The following ECPAS variants were observed in gnomAD, a reference collection of about 807,000 sequenced individuals.
The protein encoded by ECPAS is Ecm29 proteasome adaptor and scaffold, also known as proteasome adapter and scaffold protein ECM29.
Under a neutral mutation model 255.1 loss-of-function variants are expected in ECPAS, and 70 were observed. The ratio of observed to expected loss-of-function variants is 0.27; its 90% CI spans 0.23 to 0.33. The LOEUF (loss-of-function observed/expected upper bound fraction) is 0.33. Ranked by LOEUF, ECPAS falls within the 10% of genes least tolerant of loss-of-function variation. The pLI is 1.00. For synonymous variants in ECPAS, 784 were observed against 775.0 expected (o/e 1.01, Z -0.19); for missense variants, 1,817 against 2,206.4 (o/e 0.82, Z 3.54).
chr9:111,370,721 C>A lies in ECPAS; in HGVS notation c.4781+1G>T. On this transcript the variant is annotated splice_donor_variant, in intron 44 of 49. Transcript: ENST00000684092. LOFTEE classifies it high-confidence loss of function. Reference sequence around the variant, plus strand: ...GGCATCTTCATTGAAAGAACATTTACCTGCAAGCTGTCACCACACAGGCAA... The same window carrying A: ...GGCATCTTCATTGAAAGAACATTTAACTGCAAGCTGTCACCACACAGGCAA... 6.2e-7 allele frequency: 1 copy of A among 1,607,700 alleles called. No individual in the cohort carries two copies.
intron 37 of ECPAS, among the ~76,000 whole-genome samples, chr9:111,375,788 C>T (rs966938249): frequency 6.6e-6 from 1 of 152,164 alleles, no homozygotes. Context: ...CCAGCAGGCA[C>T]TAAAAAATAG....
In ECPAS at chr9:111,410,178, T is replaced by A. The variant is rs200669681; in HGVS notation, c.2413A>T (p.Ile805Phe). 3.7e-6 allele frequency: 6 copies of A among 1,613,230 alleles called. No homozygotes were observed. The Admixed American group carries it at 1.0e-4, about 27-fold the overall frequency. The change falls in exon 23 of 50, where the codon ATT becomes TTT. Residue 805 changes from isoleucine to phenylalanine, a missense_variant. By Grantham distance (21) the Ile-to-Phe change is conservative. Transcript: ENST00000684092. ...FLDSTSPLLA[I>F]AACTALGEIG... ...TCACCCAGGGCTGTGCAGGCAGCAA[T>A]TGCCAGGAGGGGTGATGTACTGTCC...
Position 111,360,804 on chromosome 9 carries a change from A to T in ECPAS, c.*1226T>A, listed in dbSNP as rs1400095857. On this transcript the variant is annotated 3_prime_UTR_variant, in exon 50 of 50. Coordinates refer to ENST00000684092, the MANE Select transcript of ECPAS (RefSeq NM_001364929.1). ...ACATGGAGTTTCCACGAAAAATAAT[A>T]AACATGGAGATTCCTGGTGTTAACG... The T allele has an allele frequency of 6.6e-6, 1 of 152,242 alleles. No individual in the cohort carries two copies. The highest frequency in any genetic ancestry group is 1.5e-5 in the Non-Finnish European group (1 of 68,040). The allele number at this position is 152,242 out of a possible 1,614,324, so 9.4% of individuals were successfully genotyped here. A position where few individuals can be genotyped will look rare whatever the true frequency, so the allele number is the denominator to read the frequency against.
At chr9:111,449,387 G>C (rs1402089936) in intron 3 of ECPAS, among the ~76,000 whole-genome samples, 5 of 152,012 alleles carry the variant, frequency 3.3e-5, no homozygotes, top group Non-Finnish European at 5.9e-5. Flanking sequence ...AGAATATTAA[G>C]AATAGCATAA....
rs916882860 is a variant in ECPAS, at chr9:111,425,564, T to A, written c.1137-68A>T. Reference sequence around the variant, plus strand: ...ATGACTACATATCTTTACGGATGATTACATAAAATAATGAGAGACATAACC... The same window carrying A: ...ATGACTACATATCTTTACGGATGATAACATAAAATAATGAGAGACATAACC... On this transcript the variant is annotated intron_variant, in intron 11 of 49. Transcript: ENST00000684092. The A allele has an allele frequency of 3.4e-6, 4 of 1,187,782 alleles. No individual in the cohort carries two copies. The Admixed American group carries it at 8.4e-5, about 25-fold the overall frequency. 73.6% of individuals were successfully genotyped at this position (1,187,782 alleles called of 1,614,324 possible).
chr9:111,397,220 A>G, intron 24 of ECPAS, 67 bp from the exon 25 acceptor site: 1 of 1,587,638 alleles, frequency 6.3e-7, no homozygotes, highest in Non-Finnish European at 8.6e-7. Context: ...ATTTCTACAG[A>G]AAGCCTGCTT....
chr9:111,363,493 A>G (rs984822092), intron 49 of ECPAS, 95 bp downstream of exon 49: 5 of 696,896 alleles, frequency 7.2e-6, no homozygotes, highest in Non-Finnish European at 1.3e-5. Flanking sequence ...TTCAGAGTAT[A>G]TGCTTAAGAG....
intron 2 of ECPAS, among the ~76,000 whole-genome samples, chr9:111,458,163 A>C (rs540383126): frequency 8.5e-5 from 13 of 152,350 alleles, no homozygotes; most frequent in African/African-American, 3.1e-4. Flanking sequence ...CGAGAGTCTA[A>C]GATATAAAGG....
Position 111,430,573 on chromosome 9 carries a change from C to G in ECPAS, c.904G>C (p.Gly302Arg). The change falls in exon 9 of 50, where the codon GGA becomes CGA. Residue 302 changes from glycine to arginine, a missense_variant. This residue lies in a region of ECPAS where 573 missense variants were observed against 716.2 expected (regional missense o/e 0.80). Transcript: ENST00000684092. ...TCTTTTGTCTTCAGTGGTATATCTC[C>G]AAGGTACACCTTGTACATCTTATTA... is the stretch of plus-strand genomic sequence containing the variant. ...IINKMYKVYL[G>R]DIPLKTKEGA... 1 of 1,599,488 alleles carries G rather than the reference C, an allele frequency of 6.3e-7. No individual in the cohort carries two copies. The highest frequency in any genetic ancestry group is 8.5e-7 in the Non-Finnish European group (1 of 1,171,222).
At chr9:111,468,120 A>G (rs547175243) in intron 2 of ECPAS, among the ~76,000 whole-genome samples, 70 of 152,186 alleles carry the variant, frequency 4.6e-4, no homozygotes, top group Non-Finnish European at 9.4e-4. Flanking sequence ...ACTGCACTTC[A>G]GCCTGGGCAT....
chr9:111,437,078 T>C lies in ECPAS; in HGVS notation c.570A>G (p.Gln190=), dbSNP rs185292816. The part of the protein sequence containing the change: ...GYVLNESQSR[Q]NSSSAQGSSS... ...AAGAACCCTGTGCTGAAGATGAATT[T>C]TGGCGACTCTGGGATTCATTTAACA... The change falls in exon 7 of 50, where the codon CAA becomes CAG. Residue 190 remains glutamine (Q), a synonymous_variant. Coordinates refer to ENST00000684092, the MANE Select transcript of ECPAS (RefSeq NM_001364929.1). 3.1e-6 allele frequency: 5 copies of C among 1,609,336 alleles called. No individual in the cohort carries two copies. The East Asian group carries it at 6.7e-5, about 22-fold the overall frequency.
chr9:111,393,686 T>A lies in ECPAS; in HGVS notation c.2971A>T (p.Asn991Tyr), dbSNP rs777211047. Residue 991 changes from asparagine (N) to tyrosine (Y), a missense_variant, in exon 27 of 50, where the codon AAT becomes TAT. By Grantham distance (143) the Asn-to-Tyr change is moderately radical. Transcript: ENST00000684092. Reference protein sequence around the residue: ...QSAFVSVLSENDELSQDVASK... With the variant: ...QSAFVSVLSEYDELSQDVASK... ...TCAAATATTAACAACCTACCATCAT[T>A]TTCTGATAGAACTGAAACAAATGCA... 8 of 1,572,470 alleles carry A rather than the reference T, an allele frequency of 5.1e-6. No homozygotes were observed. The South Asian group carries it at 7.9e-5, about 15-fold the overall frequency.
At position 111,420,077 on chromosome 9, in the gene ECPAS, G is replaced by T. The variant is rs552829020; in HGVS notation, c.1499C>A (p.Thr500Lys). 1.9e-6 allele frequency: 3 copies of T among 1,612,580 alleles called. No homozygotes were observed. Among genetic ancestry groups the T allele is most frequent in the Non-Finnish European group, 2.5e-6 (3 of 1,179,216 alleles). Residue 500 changes from threonine (T) to lysine (K), a missense_variant, in exon 16 of 50, where the codon ACG (threonine) becomes AAG (lysine). Coordinates refer to ENST00000684092, the MANE Select transcript of ECPAS (RefSeq NM_001364929.1). ...VRQVAVKFASTVFPSDHIPSR... is the reference protein window; with the variant it reads ...VRQVAVKFASKVFPSDHIPSR... ...AGGGATATGATCTGAGGGAAACACC[G>T]TACTGGCAAATTTCACAGCCACTTG...
chr9:111,442,200 T>G, intron 5 of ECPAS, 106 bp downstream of exon 5: 2 of 692,220 alleles, frequency 2.9e-6, no homozygotes, highest in South Asian at 3.9e-5. Context: ...CTAAAACAGC[T>G]CAAGACCTCC....
Position 111,370,769 on chromosome 9 carries a change from A to G in ECPAS, c.4738-4T>C, listed in dbSNP as rs2098126375. The stretch of plus-strand genomic sequence containing the variant: ...CAATGGCTTTCAATAGCTCCTCCTA[A>G]GGGGTTGAAAGATGAGGAAATACTA... On this transcript the variant is annotated splice_polypyrimidine_tract_variant and splice_region_variant and intron_variant, in intron 43 of 49. Transcript: ENST00000684092. 6.3e-7 allele frequency: 1 copy of G among 1,598,870 alleles called. No homozygotes were observed.
chr9:111,417,825 T>G (rs1290392915), intron 17 of ECPAS, 58 bp downstream of exon 17: 1 of 1,446,160 alleles, frequency 6.9e-7, no homozygotes, highest in Non-Finnish European at 9.2e-7. Context: ...TTTAAAGATG[T>G]TTTTATTTTC....
At chr9:111,466,769 G>C (rs1247483648) in intron 2 of ECPAS, among the ~76,000 whole-genome samples, 2 of 152,100 alleles carry the variant, frequency 1.3e-5, no homozygotes, top group African/African-American at 4.8e-5. Flanking sequence ...GAAGTAGCTA[G>C]AATCACAGAC....
intron 49 of ECPAS, 101 bp from the exon 50 acceptor site, chr9:111,362,270 A>C: frequency 1.1e-6 from 1 of 950,290 alleles, no homozygotes; most frequent in Non-Finnish European, 1.5e-6. Flanking sequence ...AAAAATTTAA[A>C]AATATCCTAT....
chr9:111,461,055 A>C (rs906927080), intron 2 of ECPAS, among the ~76,000 whole-genome samples: 3 of 149,032 alleles, frequency 2.0e-5, no homozygotes, highest in African/African-American at 7.5e-5. Context: ...CCACTAGAAG[A>C]AAAAAAAAAG....
Sources: gnomAD v4.1 joint callset for allele counts (sites outside exome capture counted in the v4.1 genomes callset) on GRCh38, gnomAD v4.1.1 for gene constraint, gnomAD v4.1.1 regional missense constraint, MANE v1.5 for transcripts, NCBI Gene and HGNC (gene_info 2026-07-23, HGNC 2026-07-21) for gene names.